The following ARSH variants were observed in gnomAD, a reference collection of about 807,000 sequenced individuals.
The protein encoded by ARSH is arylsulfatase family member H, also known as arylsulfatase H.
A neutral mutation model predicts 28.7 loss-of-function variants in ARSH; 32 were observed. The observed-to-expected ratio is 1.11, with a 90% CI of 0.84 to 1.50. The LOEUF (loss-of-function observed/expected upper bound fraction) is 1.50, where lower values mean the gene tolerates loss of function less well. Among genes scored for constraint, ARSH ranks in the 40% most tolerant of loss-of-function variants. The pLI, the probability that ARSH is intolerant of heterozygous loss-of-function variation, is 0.00. For missense variants in ARSH, 440 were observed against 452.4 expected (o/e 0.97, Z 0.25); for synonymous variants, 176 against 177.3 (o/e 0.99, Z 0.06).
Position 3,010,084 on chromosome X carries a change from C to T in ARSH, c.147C>T (p.Leu49=), listed in dbSNP as rs79487908. The T allele has an allele frequency of 0.061, 73,447 of 1,209,085 alleles. 1,709 individuals carry two copies. The highest frequency in any genetic ancestry group is 0.07 in the Non-Finnish European group (62,232 of 894,580). ...ASEGVRLTQH[L]AAASMCTPSR... ...AAGGAGTGAGGCTTACCCAGCATCT[C>T]GCAGCTGCTTCCATGTGCACCCCAA... is the stretch of plus-strand genomic sequence containing the variant. The change falls in exon 2 of 9, where the codon CTC becomes CTT. Residue 49 remains leucine, a synonymous_variant. Coordinates refer to ENST00000381130, the MANE Select transcript of ARSH (RefSeq NM_001011719.2).
Position 3,033,559 on chromosome X carries a change from T to G in ARSH, c.*174T>G. ...TCGGTGAAATTAAAGTGGGCCCATA[T>G]AACAGTGAACCTGGAGGGGAGCATT... On this transcript the variant is annotated 3_prime_UTR_variant, in exon 9 of 9. Transcript: ENST00000381130. 1 of 462,609 alleles carries G rather than the reference T, an allele frequency of 2.2e-6. No homozygotes were observed. Among genetic ancestry groups the G allele is most frequent in the Admixed American group, 4.4e-5 (1 of 22,702 alleles). The allele number at this position is 462,609 out of a possible 1,213,427, so 38.1% of individuals were successfully genotyped here.
rs765429274 is a variant in ARSH at position 3,033,423 on chromosome X, TG to T, written c.*39del. 1.3e-4 allele frequency: 147 copies of T among 1,156,920 alleles called. No homozygotes were observed. The African/African-American group carries it at 2.2e-3, about 18-fold the overall frequency. On this transcript the variant is annotated 3_prime_UTR_variant, in exon 9 of 9. Coordinates refer to ENST00000381130, the MANE Select transcript of ARSH (RefSeq NM_001011719.2). ...CACGTGTTACCCACCACAAACTTAC[TG>T]TTACAATGGTCATAGGAGCAGAGCT...
chrX:3,008,450 TTTCTTTC>T (rs1474205743), intron 1 of ARSH, among the ~76,000 whole-genome samples: 4 of 7,204 alleles, frequency 5.6e-4, no homozygotes, highest in Non-Finnish European at 8.6e-4. Context: ...TTCTTCTTAT[TTTCTTTC>T]TTTCTTTCTT....
chrX:3,011,952 C>T (rs988779151), intron 2 of ARSH, among the ~76,000 whole-genome samples: 6 of 111,410 alleles, frequency 5.4e-5, no homozygotes, highest in African/African-American at 2.0e-4. Flanking sequence ...AAGTGATTCT[C>T]CTGCCTCAGC....
At chrX:3,013,437 C>T (rs5939405) in intron 3 of ARSH, among the ~76,000 whole-genome samples, 7 of 109,780 alleles carry the variant, frequency 6.4e-5, no homozygotes, top group African/African-American at 9.9e-5. Context: ...TGGAGGGATA[C>T]GATGTTTGTG....
chrX:3,007,307 G>T (rs183534363), intron 1 of ARSH, among the ~76,000 whole-genome samples: 1 of 107,587 alleles, frequency 9.3e-6, no homozygotes, highest in East Asian at 2.9e-4. Flanking sequence ...AGTGGCATTT[G>T]GTACATTCAC....
intron 6 of ARSH, among the ~76,000 whole-genome samples, chrX:3,026,504 A>G (rs779702530): frequency 9.0e-6 from 1 of 111,539 alleles, no homozygotes; most frequent in Non-Finnish European, 1.9e-5. Flanking sequence ...AAAATTTCAC[A>G]TAGGAAGAGA....
In ARSH at chrX:3,020,465, T is replaced by G. The variant is rs866448818; in HGVS notation, c.901+1795T>G. On this transcript the variant is annotated intron_variant, in intron 5 of 8. Coordinates refer to ENST00000381130, the MANE Select transcript of ARSH (RefSeq NM_001011719.2). ...TGAGCCGGGCGCGGTGGCGGGCGCC[T>G]GTAGTCCCAGCTACTCCGGAGGCTG... 2.2e-3 allele frequency among the ~76,000 whole-genome samples: 225 copies of G among 102,554 alleles called. 3 individuals carry two copies. Among genetic ancestry groups the G allele is most frequent in the Non-Finnish European group, 3.6e-3 (178 of 49,679 alleles). 89.1% of individuals were successfully genotyped at this position (102,554 alleles called of 115,157 possible).
intron 6 of ARSH, among the ~76,000 whole-genome samples, chrX:3,026,280 T>C (rs377204674): frequency 9.1e-6 from 1 of 110,423 alleles, no homozygotes; most frequent in African/African-American, 3.3e-5. Flanking sequence ...CCAGTCTGGG[T>C]GACAGAAGGA....
intron 2 of ARSH, among the ~76,000 whole-genome samples, 159 bp downstream of exon 2, chrX:3,010,310 G>A (rs2089843132): frequency 8.9e-6 from 1 of 112,037 alleles, no homozygotes. Flanking sequence ...AAATATGTGT[G>A]CCTCTCACCA....
chrX:3,028,206 T>C (rs1434878873), intron 7 of ARSH, among the ~76,000 whole-genome samples: 2 of 111,864 alleles, frequency 1.8e-5, no homozygotes, highest in African/African-American at 6.5e-5. Flanking sequence ...TTATTTTTAA[T>C]TTAATTTAAA....
At position 3,024,015 on chromosome X, in the gene ARSH, C is replaced by G. The variant is rs747536922; in HGVS notation, c.902-6C>G. 28 of 1,207,400 alleles carry G rather than the reference C, an allele frequency of 2.3e-5. No homozygotes were observed. Among genetic ancestry groups the G allele is most frequent in the Non-Finnish European group, 3.0e-5 (27 of 894,376 alleles). ...TCAACGTCTTTGTGTCTCTGACCCTCTCCAGGTAAAATCCTGGATGCCCTG... is the reference window on the plus strand; with the variant it reads ...TCAACGTCTTTGTGTCTCTGACCCTGTCCAGGTAAAATCCTGGATGCCCTG... On this transcript the variant is annotated splice_region_variant and splice_polypyrimidine_tract_variant and intron_variant, in intron 5 of 8. Coordinates refer to ENST00000381130, the MANE Select transcript of ARSH (RefSeq NM_001011719.2).
At chrX:3,012,588 TATATATATATA>T (rs1569122655) in intron 2 of ARSH, among the ~76,000 whole-genome samples, 78 of 22,841 alleles carry the variant, frequency 3.4e-3, no homozygotes, top group African/African-American at 0.015. Flanking sequence ...TATATATATA[TATATATATATA>T]ATATATATAT....
At chrX:3,032,978 C>T in intron 8 of ARSH, 40 bp from the exon 9 acceptor site, 2 of 1,165,759 alleles carry the variant, frequency 1.7e-6, no homozygotes, top group South Asian at 4.0e-5. Flanking sequence ...CTAAAATCAC[C>T]ACAAAGATGG....
intron 8 of ARSH, 108 bp downstream of exon 8, chrX:3,029,476 T>C: frequency 1.0e-6 from 1 of 998,179 alleles, no homozygotes; most frequent in Non-Finnish European, 1.3e-6. Context: ...CCAGCTATGA[T>C]GGTTCTTTTT....
chrX:3,013,643 T>C (rs1426612049), intron 3 of ARSH, among the ~76,000 whole-genome samples: 3 of 110,170 alleles, frequency 2.7e-5, no homozygotes, highest in Non-Finnish European at 5.7e-5. Context: ...CACCGAAAAA[T>C]AAGTTTGTAG....
chrX:3,028,907 G>A (rs916920108), intron 7 of ARSH, among the ~76,000 whole-genome samples: 3 of 109,040 alleles, frequency 2.8e-5, no homozygotes, highest in Non-Finnish European at 3.8e-5. Context: ...GTGAAACCCC[G>A]TCTGTACTAA....
intron 8 of ARSH, among the ~76,000 whole-genome samples, chrX:3,030,000 G>A (rs1273979127): frequency 8.9e-6 from 1 of 112,152 alleles, no homozygotes; most frequent in Non-Finnish European, 1.9e-5. Context: ...TCCCACAGGT[G>A]TGACCCACCA....
At chrX:3,023,249 A>T (rs1253219152) in intron 5 of ARSH, among the ~76,000 whole-genome samples, 2 of 104,872 alleles carry the variant, frequency 1.9e-5, no homozygotes, top group African/African-American at 6.8e-5. Flanking sequence ...AATATAGTAT[A>T]TATTTATATA....
Sources: gnomAD v4.1 joint callset for allele counts (sites outside exome capture counted in the v4.1 genomes callset) on GRCh38, gnomAD v4.1.1 for gene constraint, MANE v1.5 for transcripts, NCBI Gene and HGNC (gene_info 2026-07-23, HGNC 2026-07-21) for gene names.